Variants in RAP1GDS1 observed in about 807,000 individuals in gnomAD.
The protein encoded by RAP1GDS1 is Rap1 GTPase-GDP dissociation stimulator 1, also known as RAP1, GTP-GDP dissociation stimulator 1.
Under a neutral mutation model 71.1 loss-of-function variants are expected in RAP1GDS1, and 35 were observed. The ratio of observed to expected loss-of-function variants is 0.49; its 90% CI spans 0.38 to 0.65. RAP1GDS1 has a LOEUF of 0.65. RAP1GDS1 is among the 30% of genes least tolerant of loss of function. RAP1GDS1 has a pLI of 0.00. For synonymous variants in RAP1GDS1, 229 were observed against 243.1 expected, an observed-to-expected ratio of 0.94 and a Z score of 0.54; for missense variants, 663 against 706.1, an observed-to-expected ratio of 0.94 and a Z score of 0.69.
Position 98,392,086 on chromosome 4 carries a change from T to G in RAP1GDS1, c.637+6T>G. 1 of 1,608,862 alleles carries G rather than the reference T, an allele frequency of 6.2e-7. No individual in the cohort carries two copies. The highest frequency in any genetic ancestry group is 8.5e-7 in the Non-Finnish European group (1 of 1,177,604). ...TGGTAATTTAGCAGAACTTGGTAAG[T>G]CTTAGTCATGAACCACAAATGTAAT... On this transcript the variant is annotated splice_donor_region_variant and intron_variant, in intron 6 of 14. Transcript: ENST00000408927.
At chr4:98,267,490 C>G (rs956815130) in intron 1 of RAP1GDS1, among the ~76,000 whole-genome samples, 2 of 152,096 alleles carry the variant, frequency 1.3e-5, no homozygotes, top group African/African-American at 4.8e-5. Context: ...CCCTTGCCTC[C>G]CTCCATTTGT....
chr4:98,323,999 G>A (rs1473090197), intron 2 of RAP1GDS1, among the ~76,000 whole-genome samples: 10 of 149,676 alleles, frequency 6.7e-5, no homozygotes, highest in Non-Finnish European at 1.0e-4. Context: ...GTTTGCAGAC[G>A]ACATGATTGT....
At chr4:98,277,245 C>A (rs769457544) in intron 1 of RAP1GDS1, among the ~76,000 whole-genome samples, 2 of 152,200 alleles carry the variant, frequency 1.3e-5, no homozygotes, top group Non-Finnish European at 2.9e-5. Flanking sequence ...CTAATCACCT[C>A]ATTCCTGTAG....
At chr4:98,289,697 C>T (rs1183218955) in intron 1 of RAP1GDS1, among the ~76,000 whole-genome samples, 1 of 151,942 alleles carries the variant, frequency 6.6e-6, no homozygotes, top group Non-Finnish European at 1.5e-5. Flanking sequence ...ATTAGAGAAG[C>T]TTTTAAAAAT....
chr4:98,299,421 T>G (rs78223656), intron 2 of RAP1GDS1, among the ~76,000 whole-genome samples: 3,323 of 152,266 alleles, frequency 0.022, 123 homozygotes, highest in African/African-American at 0.073. Context: ...AACAGGAATT[T>G]GGAACAAGTT....
rs549766902 is a variant in RAP1GDS1 at position 98,335,576 on chromosome 4, A to T, written c.113-7563A>T. Among the ~76,000 whole-genome samples the T allele has an allele frequency of 2.0e-5, 3 of 152,108 alleles. No individual in the cohort carries two copies. In the East Asian group the frequency reaches 5.8e-4, roughly 29 times the overall value. On this transcript the variant is annotated intron_variant, in intron 2 of 14. Coordinates refer to ENST00000408927, the MANE Select transcript of RAP1GDS1 (RefSeq NM_001100427.2). ...TTTTTTTTTTATTTTACAAGTTTGA[A>T]TTATTTCACATAAATGTAGCTTCTT...
chr4:98,306,936 C>T (rs950489396), intron 2 of RAP1GDS1, among the ~76,000 whole-genome samples: 1 of 151,988 alleles, frequency 6.6e-6, no homozygotes, highest in Non-Finnish European at 1.5e-5. Context: ...AAGGTTTCAT[C>T]ATTAGGTTTC....
chr4:98,309,571 A>G (rs1219742550), intron 2 of RAP1GDS1, among the ~76,000 whole-genome samples: 1 of 152,028 alleles, frequency 6.6e-6, no homozygotes, highest in African/African-American at 2.4e-5. Flanking sequence ...TAAGTAGTCA[A>G]GGTAAGGGAA....
chr4:98,285,233 C>T (rs1345785808), intron 1 of RAP1GDS1, among the ~76,000 whole-genome samples: 1 of 152,164 alleles, frequency 6.6e-6, no homozygotes, highest in Non-Finnish European at 1.5e-5. Context: ...GTTTTTCTTT[C>T]ATTTCAAATG....
chr4:98,342,123 C>T (rs1031820055), intron 2 of RAP1GDS1, among the ~76,000 whole-genome samples: 8 of 152,108 alleles, frequency 5.3e-5, no homozygotes, highest in African/African-American at 1.4e-4. Context: ...ATTAAACAAT[C>T]AGCACTTATT....
chr4:98,416,805 A>G lies in RAP1GDS1; in HGVS notation c.824A>G (p.Gln275Arg). The part of the protein sequence containing the change: ...GLVECLLEIV[Q>R]QKVDSDKEDD... ...GTAGAGTGTCTACTAGAGATTGTTC[A>G]GCAAAAAGTGGATAGTGACAAAGAA... is the stretch of plus-strand genomic sequence containing the variant. Residue 275 changes from glutamine to arginine, a missense_variant, in exon 8 of 15, where the codon CAG becomes CGG. Gln to Arg is a conservative substitution (Grantham distance 43). Transcript: ENST00000408927. 6.2e-7 allele frequency: 1 copy of G among 1,613,264 alleles called. No homozygotes were observed.
At chr4:98,293,194 A>G (rs1727219326) in intron 1 of RAP1GDS1, among the ~76,000 whole-genome samples, 1 of 152,206 alleles carries the variant, frequency 6.6e-6, no homozygotes, top group South Asian at 2.1e-4. Context: ...TATCTTACAC[A>G]TAGCAGAATG....
At chr4:98,363,593 G>A (rs1739075700) in intron 4 of RAP1GDS1, among the ~76,000 whole-genome samples, 1 of 151,922 alleles carries the variant, frequency 6.6e-6, no homozygotes, top group Non-Finnish European at 1.5e-5. Context: ...TGTGAACAGG[G>A]AGTATTGTGT....
intron 2 of RAP1GDS1, among the ~76,000 whole-genome samples, chr4:98,329,915 TCTC>T (rs778768018): frequency 2.0e-5 from 3 of 152,160 alleles, no homozygotes; most frequent in Non-Finnish European, 4.4e-5. Context: ...TTCCTTATAT[TCTC>T]CTCTTTTTTT....
chr4:98,293,801 A>G lies in RAP1GDS1; in HGVS notation c.112+286A>G, dbSNP rs139481507. ...GAGAGGCCATTGTTTCATTTCTAAC[A>G]GTCAAGCATCGTAGTTGTTTTTCTT... is the stretch of plus-strand genomic sequence containing the variant. On this transcript the variant is annotated intron_variant, in intron 2 of 14. Coordinates refer to ENST00000408927, the MANE Select transcript of RAP1GDS1 (RefSeq NM_001100427.2). Among the ~76,000 whole-genome samples, 12 of 152,234 alleles carry G rather than the reference A, an allele frequency of 7.9e-5. No homozygotes were observed. The East Asian group carries it at 2.3e-3, about 29-fold the overall frequency.
Position 98,404,519 on chromosome 4 carries a change from A to G in RAP1GDS1, c.680A>G (p.Glu227Gly), listed in dbSNP as rs374515664. The G allele has an allele frequency of 4.4e-6, 7 of 1,608,892 alleles. No individual in the cohort carries two copies. The African/African-American group carries it at 9.4e-5, about 22-fold the overall frequency. The change falls in exon 7 of 15, where the codon GAG (glutamate) becomes GGG (glycine). Residue 227 changes from glutamate to glycine, a missense_variant. By Grantham distance (98) the Glu-to-Gly change is moderately conservative. Coordinates refer to ENST00000408927, the MANE Select transcript of RAP1GDS1 (RefSeq NM_001100427.2). ...TTTGCCAGTACAAACATTGCTGAAG[A>G]GCTAGTAAAACTCTTCAAGAAACAA... is the stretch of plus-strand genomic sequence containing the variant. ...EQFASTNIAE[E>G]LVKLFKKQIE...
At chr4:98,329,788 C>CAAAAA (rs34140500) in intron 2 of RAP1GDS1, among the ~76,000 whole-genome samples, 1 of 43,422 alleles carries the variant, frequency 2.3e-5, no homozygotes, top group Non-Finnish European at 4.9e-5. Flanking sequence ...GACTCCATCT[C>CAAAAA]AAAAAAAAAA....
In RAP1GDS1 at chr4:98,437,040, G is replaced by A. The variant is rs750082295; in HGVS notation, c.1668G>A (p.Met556Ile). The change falls in exon 14 of 15, where the codon ATG (methionine) becomes ATA (isoleucine). Residue 556 changes from methionine (M) to isoleucine (I), a missense_variant. Transcript: ENST00000408927. ...RSAPEIKYNSMVLICALMGSE... is the reference protein window; with the variant it reads ...RSAPEIKYNSIVLICALMGSE... ...CTCCTGAAATCAAATATAATTCCAT[G>A]GTCCTGATATGTGCTCTTATGGGAT... The A allele has an allele frequency of 6.2e-7, 1 of 1,610,600 alleles. No homozygotes were observed.
chr4:98,293,343 C>G (rs1727241745), intron 1 of RAP1GDS1, 65 bp from the exon 2 acceptor site: 1 of 1,090,194 alleles, frequency 9.2e-7, no homozygotes, highest in Non-Finnish European at 1.3e-6. Flanking sequence ...ACTGTTTATC[C>G]TTTTGTCATG....
Sources: gnomAD v4.1 joint callset for allele counts (sites outside exome capture counted in the v4.1 genomes callset) on GRCh38, gnomAD v4.1.1 for gene constraint, MANE v1.5 for transcripts, NCBI Gene and HGNC (gene_info 2026-07-23, HGNC 2026-07-21) for gene names.